The following ADGRB3 variants were observed in gnomAD, a reference collection of about 807,000 sequenced individuals.
The protein encoded by ADGRB3 is brain-specific angiogenesis inhibitor 3.
ADGRB3 carries 37 observed loss-of-function variants against 193.4 expected under a neutral mutation model. That is an observed-to-expected ratio of 0.19 (90% confidence interval 0.15 to 0.25). The LOEUF is 0.25. Ranked by LOEUF, ADGRB3 falls within the 10% of genes least tolerant of loss-of-function variation. The pLI, the probability that ADGRB3 is intolerant of heterozygous loss-of-function variation, is 1.00. For missense variants in ADGRB3, 1,637 were observed against 1,852.9 expected (o/e 0.88, Z 2.14); for synonymous variants, 690 against 644.2 (o/e 1.07, Z -1.08).
At position 69,339,381 on chromosome 6, in the gene ADGRB3, G is replaced by C. The variant is rs775462599; in HGVS notation, c.3336G>C (p.Thr1112=). 3 of 1,613,994 alleles carry C rather than the reference G, an allele frequency of 1.9e-6. 1 individual carries two copies. The South Asian group carries it at 3.3e-5, about 18-fold the overall frequency. ...SCVVLPLLAL[T]WMSAVLAMTD... Reference sequence around the variant, plus strand: ...TGGTGTTGCCCCTTCTGGCTTTGACGTGGATGTCTGCGGTTCTGGCCATGA... The same window carrying C: ...TGGTGTTGCCCCTTCTGGCTTTGACCTGGATGTCTGCGGTTCTGGCCATGA... The change falls in exon 26 of 32, where the codon ACG becomes ACC. Residue 1112 remains threonine, a synonymous_variant. Coordinates refer to ENST00000370598, the MANE Select transcript of ADGRB3 (RefSeq NM_001704.3).
At position 68,974,834 on chromosome 6, in the gene ADGRB3, G is replaced by A. The variant is rs1240074207; in HGVS notation, c.1597G>A (p.Ala533Thr). 6.2e-7 allele frequency: 1 copy of A among 1,613,890 alleles called. No homozygotes were observed. The highest frequency in any genetic ancestry group is 8.5e-7 in the Non-Finnish European group (1 of 1,179,892). The change falls in exon 9 of 32, where the codon GCA (alanine) becomes ACA (threonine). Residue 533 changes from alanine to threonine, a missense_variant. Transcript: ENST00000370598. The part of the protein sequence containing the change: ...VWKRTPAGDL[A>T]FNQCPLNATG... ...GAAAAGAACTCCAGCAGGCGACTTG[G>A]CATTCAATCAATGTCCCCTGAATGC...
chr6:69,044,329 C>G (rs1771178638), intron 13 of ADGRB3, among the ~76,000 whole-genome samples: 1 of 152,176 alleles, frequency 6.6e-6, no homozygotes, highest in Non-Finnish European at 1.5e-5. Context: ...CAAATTACCT[C>G]CAGTTTGTAT....
At chr6:68,715,029 A>AT (rs148152886) in intron 3 of ADGRB3, among the ~76,000 whole-genome samples, 3,131 of 151,962 alleles carry the variant, frequency 0.021, 107 homozygotes, top group African/African-American at 0.069. Context: ...ATTTATCATC[A>AT]TTACAGCTTT....
chr6:69,330,661 A>G (rs1768700341), intron 23 of ADGRB3, 89 bp downstream of exon 23: 4 of 1,084,818 alleles, frequency 3.7e-6, no homozygotes, highest in Admixed American at 5.3e-5. Flanking sequence ...TTGATAATGT[A>G]GTTCTTGTGT....
At chr6:69,145,289 G>A (rs1774455531) in intron 17 of ADGRB3, among the ~76,000 whole-genome samples, 1 of 152,224 alleles carries the variant, frequency 6.6e-6, no homozygotes, top group Admixed American at 6.5e-5. Flanking sequence ...GGCAGCTCCA[G>A]GCACTGGTAT....
chr6:68,871,923 T>C (rs539111), intron 3 of ADGRB3, among the ~76,000 whole-genome samples: 47,549 of 151,940 alleles, frequency 0.31, 8,073 homozygotes, highest in East Asian at 0.59. Context: ...AAGTCTATTC[T>C]TTCTTTGATT....
intron 17 of ADGRB3, among the ~76,000 whole-genome samples, chr6:69,130,604 C>T (rs1176886421): frequency 6.7e-6 from 1 of 149,564 alleles, no homozygotes; most frequent in Non-Finnish European, 1.5e-5. Flanking sequence ...CCTTTTTTTT[C>T]CTCTGTTTCT....
chr6:69,297,525 C>T (rs1177091433), intron 20 of ADGRB3, among the ~76,000 whole-genome samples: 1 of 151,660 alleles, frequency 6.6e-6, no homozygotes, highest in African/African-American at 2.4e-5. Flanking sequence ...AGCTTTTCTT[C>T]CTCAGCAATA....
intron 20 of ADGRB3, among the ~76,000 whole-genome samples, chr6:69,300,602 A>G (rs1391366180): frequency 6.6e-6 from 1 of 151,842 alleles, no homozygotes; most frequent in Non-Finnish European, 1.5e-5. Flanking sequence ...TAGAACTGAT[A>G]AACAAATTTA....
At chr6:69,314,273 A>T (rs1158825286) in intron 20 of ADGRB3, among the ~76,000 whole-genome samples, 1 of 151,626 alleles carries the variant, frequency 6.6e-6, no homozygotes, top group Admixed American at 6.6e-5. Context: ...TATATCTAAC[A>T]CTTTCTTTCT....
intron 3 of ADGRB3, among the ~76,000 whole-genome samples, chr6:68,722,291 C>T (rs1330649424): frequency 6.6e-6 from 1 of 151,624 alleles, no homozygotes; most frequent in African/African-American, 2.4e-5. Flanking sequence ...CACATGGACA[C>T]AGGGAGGGGA....
chr6:68,991,532 A>G (rs1294255938), intron 10 of ADGRB3, among the ~76,000 whole-genome samples: 2 of 151,794 alleles, frequency 1.3e-5, no homozygotes, highest in African/African-American at 4.8e-5. Flanking sequence ...ATGCTTGTGG[A>G]AAGACTATTC....
chr6:69,121,422 T>C (rs973636740), intron 17 of ADGRB3, among the ~76,000 whole-genome samples: 1 of 152,092 alleles, frequency 6.6e-6, no homozygotes, highest in Admixed American at 6.5e-5. Context: ...ACAGACACAG[T>C]AACAATCTGA....
chr6:69,021,186 C>T lies in ADGRB3; in HGVS notation c.2107+2687C>T, dbSNP rs891163486. On this transcript the variant is annotated intron_variant, in intron 13 of 31. Transcript: ENST00000370598. ...ACTGAGTAACTAAGAAAGTTTGTTC[C>T]TTATGGCCATTTTCTTTAGAATGTG... is the stretch of plus-strand genomic sequence containing the variant. Among the ~76,000 whole-genome samples the T allele has an allele frequency of 2.0e-5, 3 of 151,826 alleles. No individual in the cohort carries two copies. In the South Asian group the frequency reaches 6.2e-4, roughly 31 times the overall value.
At chr6:68,772,306 G>A (rs1766633663) in intron 3 of ADGRB3, among the ~76,000 whole-genome samples, 1 of 152,086 alleles carries the variant, frequency 6.6e-6, no homozygotes, top group Non-Finnish European at 1.5e-5. Context: ...GGATGGTGAA[G>A]CCATTTAGGG....
At chr6:68,879,717 C>T (rs1765685990) in intron 3 of ADGRB3, among the ~76,000 whole-genome samples, 1 of 152,076 alleles carries the variant, frequency 6.6e-6, no homozygotes, top group African/African-American at 2.4e-5. Context: ...CATACCTGAG[C>T]TTATCATTTT....
chr6:69,289,861 T>G (rs993364942), intron 20 of ADGRB3, among the ~76,000 whole-genome samples: 9 of 151,452 alleles, frequency 5.9e-5, no homozygotes, highest in African/African-American at 2.2e-4. Context: ...TATCACAGAA[T>G]TGGCACACTG....
intron 18 of ADGRB3, among the ~76,000 whole-genome samples, chr6:69,234,605 T>C (rs1248428423): frequency 6.6e-6 from 1 of 151,934 alleles, no homozygotes; most frequent in East Asian, 1.9e-4. Flanking sequence ...ACATAATGAG[T>C]TGTAAATAGT....
chr6:69,213,148 A>T (rs1337162967), intron 17 of ADGRB3, among the ~76,000 whole-genome samples: 2 of 152,164 alleles, frequency 1.3e-5, no homozygotes, highest in Non-Finnish European at 2.9e-5. Flanking sequence ...GAACAAATTC[A>T]AGTACTTGTT....
Sources: allele counts gnomAD v4.1 joint callset (sites outside exome capture counted in the v4.1 genomes callset), GRCh38; gene constraint gnomAD v4.1.1; transcripts MANE v1.5; gene names NCBI Gene and HGNC (gene_info 2026-07-23, HGNC 2026-07-21).